TLN2: variants seen among roughly 807,000 people sequenced by gnomAD.
The protein encoded by TLN2 is talin-2.
Under a neutral mutation model 294.7 loss-of-function variants are expected in TLN2, and 118 were observed. The ratio of observed to expected loss-of-function variants is 0.40; its 90% CI spans 0.34 to 0.47. The LOEUF is 0.47. Ranked by LOEUF, TLN2 falls within the 20% of genes least tolerant of loss-of-function variation. TLN2 has a pLI of 0.84. For missense variants in TLN2, 3,083 were observed against 3,282.2 expected, an observed-to-expected ratio of 0.94 and a Z score of 1.48; for synonymous variants, 1,431 against 1,304.5, an observed-to-expected ratio of 1.10 and a Z score of -2.09.
intron 1 of TLN2, among the ~76,000 whole-genome samples, chr15:62,537,569 G>A (rs2041433328): frequency 6.6e-6 from 1 of 152,134 alleles, no homozygotes. Context: ...TATGGATGAA[G>A]AAACTGAGCC....
At chr15:62,724,585 G>C (rs2060334146) in intron 26 of TLN2, among the ~76,000 whole-genome samples, 1 of 152,166 alleles carries the variant, frequency 6.6e-6, no homozygotes, top group Non-Finnish European at 1.5e-5. Flanking sequence ...AGAGTCCTGG[G>C]TGTGTTCATT....
At position 62,694,279 on chromosome 15, in the gene TLN2, G is replaced by A. The variant is rs375811644; in HGVS notation, c.1216-37G>A. On this transcript the variant is annotated intron_variant, in intron 13 of 58. Transcript: ENST00000636159. Reference sequence around the variant, plus strand: ...GGCGTGAGCCACCGCGCGTGGCCTGGTTTTCATTTTTGCATCTTGTTTTAT... The same window carrying A: ...GGCGTGAGCCACCGCGCGTGGCCTGATTTTCATTTTTGCATCTTGTTTTAT... 1,060 of 1,610,454 alleles carry A rather than the reference G, an allele frequency of 6.6e-4. 1 individual carries two copies. The highest frequency in any genetic ancestry group is 8.4e-4 in the Non-Finnish European group (992 of 1,176,922).
chr15:62,536,404 C>T (rs2041354760), intron 1 of TLN2, among the ~76,000 whole-genome samples: 1 of 152,198 alleles, frequency 6.6e-6, no homozygotes, highest in Non-Finnish European at 1.5e-5. Context: ...CTTCTGATAT[C>T]TTGTTTTTTC....
At chr15:62,432,096 C>T (rs2140290952) in intron 1 of TLN2, among the ~76,000 whole-genome samples, 2 of 152,144 alleles carry the variant, frequency 1.3e-5, no homozygotes, top group African/African-American at 4.8e-5. Context: ...GGGCTGTATT[C>T]CTTCAGTGTC....
At chr15:62,641,633 TA>T (rs943869595) in intron 3 of TLN2, among the ~76,000 whole-genome samples, 2,318 of 137,866 alleles carry the variant, frequency 0.017, 68 homozygotes, top group African/African-American at 0.056. Context: ...AAAATAAAAA[TA>T]AAAAAAAAAT....
In TLN2 at chr15:62,838,955, A is replaced by C; in HGVS notation, c.7474A>C (p.Thr2492Pro). ...TGATGACGACGATGTTGTAGTGAAA[A>C]CCAAGTTTGTGGGGGGCATTGCTCA... is the stretch of plus-strand genomic sequence containing the variant. ...KADDDDVVVKTKFVGGIAQII... is the reference protein window; with the variant it reads ...KADDDDVVVKPKFVGGIAQII... Residue 2492 changes from threonine (T) to proline (P), a missense_variant, in exon 58 of 59, where the codon ACC (threonine) becomes CCC (proline). Thr to Pro is a conservative substitution (Grantham distance 38, BLOSUM62 -1). Transcript: ENST00000636159. 6.2e-7 allele frequency: 1 copy of C among 1,614,162 alleles called. No homozygotes were observed. The highest frequency in any genetic ancestry group is 1.6e-4 in the Middle Eastern group (1 of 6,062).
At chr15:62,444,793 C>T (rs528824918) in intron 1 of TLN2, among the ~76,000 whole-genome samples, 66 of 152,194 alleles carry the variant, frequency 4.3e-4, no homozygotes, top group Middle Eastern at 3.4e-3. Flanking sequence ...TTACTGAGTG[C>T]GGCAGGAGGG....
chr15:62,624,836 A>G (rs960913751), intron 3 of TLN2, among the ~76,000 whole-genome samples: 4 of 152,218 alleles, frequency 2.6e-5, no homozygotes, highest in East Asian at 1.9e-4. Context: ...CACCACGTCA[A>G]TGTGACAGCT....
intron 37 of TLN2, chr15:62,758,738 G>A (rs1295832419): frequency 1.3e-5 from 2 of 152,198 alleles, no homozygotes; most frequent in African/African-American, 4.8e-5. Flanking sequence ...AAAGGCTGTT[G>A]GGCTTTTTAC....
intron 58 of TLN2, 129 bp downstream of exon 58, chr15:62,839,110 T>A: frequency 7.7e-7 from 1 of 1,301,804 alleles, no homozygotes; most frequent in Non-Finnish European, 1.0e-6. Flanking sequence ...GTGTGGTGTT[T>A]CCTTCATGTC....
intron 32 of TLN2, among the ~76,000 whole-genome samples, chr15:62,742,584 C>T (rs1215525163): frequency 6.6e-6 from 1 of 152,018 alleles, no homozygotes; most frequent in Admixed American, 6.6e-5. Flanking sequence ...TGAATAGGTG[C>T]AGGCCCCCTG....
At chr15:62,790,389 C>T (rs946998791) in intron 45 of TLN2, among the ~76,000 whole-genome samples, 17 of 152,156 alleles carry the variant, frequency 1.1e-4, no homozygotes, top group African/African-American at 4.1e-4. Context: ...GTTAGAAAAA[C>T]ACTGATCTAC....
chr15:62,468,936 C>G (rs1021123087), intron 1 of TLN2, among the ~76,000 whole-genome samples: 2 of 152,104 alleles, frequency 1.3e-5, no homozygotes, highest in Non-Finnish European at 2.9e-5. Flanking sequence ...AGAACACCTA[C>G]GAATACAGCA....
intron 1 of TLN2, among the ~76,000 whole-genome samples, chr15:62,497,612 C>G (rs981442750): frequency 6.6e-6 from 1 of 152,086 alleles, no homozygotes; most frequent in Non-Finnish European, 1.5e-5. Context: ...TTGTGGCCAC[C>G]CAGCAGTGAG....
At chr15:62,640,810 T>G (rs1311431340) in intron 3 of TLN2, among the ~76,000 whole-genome samples, 4 of 152,110 alleles carry the variant, frequency 2.6e-5, no homozygotes, top group African/African-American at 2.4e-5. Context: ...TTTTATTTAT[T>G]TATTTTTTTG....
chr15:62,553,471 C>T (rs1045761356), intron 1 of TLN2, among the ~76,000 whole-genome samples: 19 of 151,556 alleles, frequency 1.3e-4, no homozygotes, highest in Admixed American at 1.2e-3. Flanking sequence ...GGCGACAGAG[C>T]GAGACTCCGT....
At chr15:62,661,315 A>G (rs896653740) in intron 9 of TLN2, among the ~76,000 whole-genome samples, 1 of 152,320 alleles carries the variant, frequency 6.6e-6, no homozygotes, top group African/African-American at 2.4e-5. Context: ...GGAATTTTTC[A>G]TAAGAAAATT....
chr15:62,559,744 G>T (rs1183949765), intron 1 of TLN2, among the ~76,000 whole-genome samples: 1 of 152,214 alleles, frequency 6.6e-6, no homozygotes, highest in African/African-American at 2.4e-5. Flanking sequence ...AGGGCCTTGG[G>T]GATCACCAGA....
intron 1 of TLN2, among the ~76,000 whole-genome samples, chr15:62,504,846 T>TGAGAGAGA (rs56056575): frequency 0.011 from 1,534 of 144,422 alleles, 9 homozygotes; most frequent in Middle Eastern, 0.032. Flanking sequence ...TGTGTGTGTG[T>TGAGAGAGA]GAGAGAGAGA....
Sources: allele counts gnomAD v4.1 joint callset (sites outside exome capture counted in the v4.1 genomes callset), GRCh38; gene constraint gnomAD v4.1.1; transcripts MANE v1.5; gene names NCBI Gene and HGNC (gene_info 2026-07-23, HGNC 2026-07-21).